The following KIRREL2 variants were observed in gnomAD, a reference collection of about 807,000 sequenced individuals.
KIRREL2 encodes the protein kin of IRRE-like protein 2.
KIRREL2 carries 56 observed loss-of-function variants against 73.4 expected under a neutral mutation model. That is an observed-to-expected ratio of 0.76 (90% CI 0.62 to 0.95). The LOEUF (loss-of-function observed/expected upper bound fraction) is 0.95. Ranked by LOEUF, KIRREL2 falls within the 40% of genes least tolerant of loss-of-function variation. The pLI is 0.00. For synonymous variants in KIRREL2, 407 were observed against 404.0 expected (o/e 1.01, Z -0.09); for missense variants, 896 against 935.0 (o/e 0.96, Z 0.54).
At chr19:35,851,813 C>A, upstream of KIRREL2, 3 of 1,552,534 alleles carry the variant, frequency 1.9e-6, no homozygotes, top group Non-Finnish European at 8.7e-7. Flanking sequence ...AGGAGAGAAG[C>A]CCTGAGCGTC....
upstream of KIRREL2, among the ~76,000 whole-genome samples, chr19:35,855,422 T>G (rs1973386273): frequency 6.6e-6 from 1 of 151,798 alleles, no homozygotes; most frequent in Non-Finnish European, 1.5e-5. Flanking sequence ...CGGCGTCAAG[T>G]GCCTGGAAAA....
upstream of KIRREL2, among the ~76,000 whole-genome samples, chr19:35,855,405 G>C (rs945814170): frequency 6.6e-6 from 1 of 151,964 alleles, no homozygotes; most frequent in Non-Finnish European, 1.5e-5. Flanking sequence ...GAGCCAGGAA[G>C]GGGAAGCGGC....
intron 4 of KIRREL2, 152 bp from the exon 5 acceptor site, chr19:35,859,329 A>T (rs574102859): frequency 1.5e-6 from 1 of 678,948 alleles, no homozygotes; most frequent in South Asian, 2.3e-5. Context: ...AAACATTATG[A>T]GACTTTTTTG....
intron 1 of KIRREL2, 23 bp downstream of exon 1, chr19:35,857,203 G>GGTTT: frequency 2.2e-6 from 2 of 904,014 alleles, no homozygotes; most frequent in Non-Finnish European, 3.6e-6. Context: ...GGGAGCGGAG[G>GGTTT]AATATGGGGT....
At chr19:35,856,263 C>T (rs1032956189), upstream of KIRREL2, among the ~76,000 whole-genome samples, 1 of 152,194 alleles carries the variant, frequency 6.6e-6, no homozygotes, top group Non-Finnish European at 1.5e-5. The surrounding 1 kb of genome is among the most constrained non-coding windows in gnomAD (Gnocchi z 5.9). Context: ...CAGCCGTCGC[C>T]GGGCAACCAG....
Position 35,857,419 on chromosome 19 carries a change from G to A in KIRREL2, c.136G>A (p.Ala46Thr). 1 of 1,613,098 alleles carries A rather than the reference G, an allele frequency of 6.2e-7. No individual in the cohort carries two copies. Among genetic ancestry groups the A allele is most frequent in the South Asian group, 1.1e-5 (1 of 91,030 alleles). ...LLGEEARLPC[A>T]LGAYWGLVQW... ...GGGGGAGGAAGCCCGGCTGCCGTGT[G>A]CTCTGGGCGCCTACTGGGGGCTAGT... The change falls in exon 2 of 15, where the codon GCT becomes ACT. Residue 46 changes from alanine to threonine, a missense_variant. Physicochemically the swap from Ala to Thr is moderately conservative, Grantham distance 58. Transcript: ENST00000360202.
At chr19:35,861,453 G>T in intron 9 of KIRREL2, 88 bp from the exon 10 acceptor site, 1 of 1,477,178 alleles carries the variant, frequency 6.8e-7, no homozygotes. Context: ...TGAGGTTAGC[G>T]GAGAGTGCGC....
chr19:35,862,092 C>A, intron 11 of KIRREL2, 68 bp downstream of exon 11: 1 of 1,379,754 alleles, frequency 7.2e-7, no homozygotes, highest in Non-Finnish European at 9.9e-7. Flanking sequence ...GATCCCCCAG[C>A]CGAGGGCTGC....
intron 1 of KIRREL2, 71 bp downstream of exon 1, chr19:35,857,251 G>A: frequency 1.2e-6 from 2 of 1,604,708 alleles, no homozygotes; most frequent in Non-Finnish European, 1.7e-6. Flanking sequence ...CTCTTCACTA[G>A]CGAGAAGGGA....
chr19:35,860,116 A>G (rs950418583), intron 5 of KIRREL2, among the ~76,000 whole-genome samples, 181 bp from the exon 6 acceptor site: 4 of 152,162 alleles, frequency 2.6e-5, no homozygotes, highest in African/African-American at 9.7e-5. Flanking sequence ...AGAGGGCAGA[A>G]GGCTGGCACA....
upstream of KIRREL2, chr19:35,851,480 C>G: frequency 2.5e-6 from 4 of 1,613,610 alleles, no homozygotes; most frequent in Non-Finnish European, 2.5e-6. Flanking sequence ...CCCTTCCAGG[C>G]GGTACCTCGG....
At chr19:35,851,552 C>T (rs1167489128), upstream of KIRREL2, 3 of 1,613,982 alleles carry the variant, frequency 1.9e-6, no homozygotes, top group South Asian at 3.3e-5. Context: ...TTGCACCGCA[C>T]TGCCAGGGGT....
In KIRREL2 at chr19:35,862,606, C is replaced by T; in HGVS notation, c.1615+9C>T. 6.3e-7 allele frequency: 1 copy of T among 1,593,502 alleles called. No homozygotes were observed. Among genetic ancestry groups the T allele is most frequent in the African/African-American group, 1.3e-5 (1 of 74,832 alleles). On this transcript the variant is annotated intron_variant, in intron 12 of 14. Coordinates refer to ENST00000360202, the MANE Select transcript of KIRREL2 (RefSeq NM_199180.4). ...CTGGCGCCACAGCAAGGGTTAGTGC[C>T]TGAGCCCCGCCCCGGCTCCCGAGGC...
At chr19:35,865,173 C>CTTTTTTTTTTTT (rs35569940) in intron 14 of KIRREL2, among the ~76,000 whole-genome samples, 1 of 105,216 alleles carries the variant, frequency 9.5e-6, no homozygotes, top group African/African-American at 3.9e-5. Flanking sequence ...TCTCTCTCTT[C>CTTTTTTTTTTTT]TTTTTTTTTT....
At chr19:35,858,289 A>G in intron 2 of KIRREL2, 119 bp from the exon 3 acceptor site, 1 of 1,204,192 alleles carries the variant, frequency 8.3e-7, no homozygotes. Context: ...CACACTTTTT[A>G]ATAGTGTCTT....
intron 4 of KIRREL2, 41 bp from the exon 5 acceptor site, chr19:35,859,439 CT>C (rs1174697327): frequency 1.3e-6 from 2 of 1,594,236 alleles, no homozygotes; most frequent in African/African-American, 1.3e-5. Context: ...TTGGACACCC[CT>C]GATGGGTAGA....
chr19:35,856,624 GTTT>G, upstream of KIRREL2: 1 of 245,324 alleles, frequency 4.1e-6, no homozygotes, highest in Non-Finnish European at 8.1e-6. The surrounding 1 kb of genome is among the most constrained non-coding windows in gnomAD (Gnocchi z 5.9). Context: ...GGCTGAGCAA[GTTT>G]CTTCCACTCT....
chr19:35,853,802 A>G (rs908246020), upstream of KIRREL2, among the ~76,000 whole-genome samples: 3 of 146,116 alleles, frequency 2.1e-5, no homozygotes, highest in South Asian at 6.5e-4. Flanking sequence ...CCTCCTGAGT[A>G]GCTGGGACTA....
At chr19:35,859,866 G>A (rs1011158174) in intron 5 of KIRREL2, among the ~76,000 whole-genome samples, 3 of 152,258 alleles carry the variant, frequency 2.0e-5, no homozygotes, top group South Asian at 2.1e-4. Context: ...CTAACATGTC[G>A]AAACCCCGTC....
Sources: allele counts gnomAD v4.1 joint callset (sites outside exome capture counted in the v4.1 genomes callset), GRCh38; gene constraint gnomAD v4.1.1; non-coding constraint Gnocchi (gnomAD v3.1); transcripts MANE v1.5; gene names NCBI Gene and HGNC (gene_info 2026-07-23, HGNC 2026-07-21).